ICA1L: variants seen among roughly 807,000 people sequenced by gnomAD.
ICA1L encodes islet cell autoantigen 1 like.
In ICA1L, 50 loss-of-function variants were observed where a neutral mutation model predicts 61.3. The observed-to-expected ratio is 0.82, with a 90% CI of 0.65 to 1.03. The LOEUF is 1.03. ICA1L is among the 50% of genes least tolerant of loss of function. ICA1L has a pLI of 0.00. For missense variants in ICA1L, 508 were observed against 556.7 expected (o/e 0.91, Z 0.88); for synonymous variants, 161 against 191.3 (o/e 0.84, Z 1.31).
chr2:202,846,781 T>C (rs1366845974), intron 1 of ICA1L, among the ~76,000 whole-genome samples: 1 of 152,260 alleles, frequency 6.6e-6, no homozygotes, highest in Non-Finnish European at 1.5e-5. Flanking sequence ...TAAGTGCTTA[T>C]AGTTTTATGT....
chr2:202,794,571 T>C (rs563788566), intron 10 of ICA1L, among the ~76,000 whole-genome samples: 1 of 152,110 alleles, frequency 6.6e-6, no homozygotes, highest in East Asian at 1.9e-4. Flanking sequence ...AATCTATGAG[T>C]TGGTAAGAAG....
chr2:202,859,267 T>G (rs1158714695), intron 1 of ICA1L, among the ~76,000 whole-genome samples: 11 of 152,210 alleles, frequency 7.2e-5, no homozygotes, highest in Admixed American at 7.2e-4. Context: ...ATTCAGATTA[T>G]AAATATAAAT....
In ICA1L at chr2:202,819,908, A is replaced by C; in HGVS notation, c.360-9T>G. ...GAGTACACAGGGCCAATCTAATGGC[A>C]GAGAGGTAAAAATCAGAGGGTTGAA... On this transcript the variant is annotated splice_polypyrimidine_tract_variant and intron_variant, in intron 4 of 12. Transcript: ENST00000358299. 6.2e-7 allele frequency: 1 copy of C among 1,609,594 alleles called. No individual in the cohort carries two copies. The highest frequency in any genetic ancestry group is 8.5e-7 in the Non-Finnish European group (1 of 1,176,366).
At chr2:202,793,494 TAAAAAAAAAAAAAAAA>T (rs755015399) in intron 10 of ICA1L, among the ~76,000 whole-genome samples, 8 of 31,332 alleles carry the variant, frequency 2.6e-4, no homozygotes, top group East Asian at 1.7e-3. Flanking sequence ...CCGTCTCTAC[TAAAAAAAAAAAAAAAA>T]AAAAAAAAAA....
intron 1 of ICA1L, among the ~76,000 whole-genome samples, chr2:202,864,184 G>A (rs1269393299): frequency 1.3e-5 from 2 of 152,068 alleles, no homozygotes; most frequent in African/African-American, 2.4e-5. Context: ...TTCATTTTAT[G>A]AGCCAGCATA....
intron 10 of ICA1L, among the ~76,000 whole-genome samples, chr2:202,796,289 T>A (rs1009357675): frequency 1.1e-4 from 16 of 152,136 alleles, no homozygotes; most frequent in African/African-American, 3.9e-4. Flanking sequence ...TTGGACTGTA[T>A]TTAAAAGCTT....
chr2:202,841,318 C>G, intron 1 of ICA1L: 1 of 766,526 alleles, frequency 1.3e-6, no homozygotes, highest in Non-Finnish European at 2.4e-6. Context: ...CTTTCCAAGC[C>G]CAGAGTCTCC....
At chr2:202,836,321 A>G (rs1694147801) in intron 1 of ICA1L, among the ~76,000 whole-genome samples, 1 of 152,180 alleles carries the variant, frequency 6.6e-6, no homozygotes, top group South Asian at 2.1e-4. Context: ...ATCACTATTG[A>G]TTCGCATATG....
Position 202,774,266 on chromosome 2 carries a change from G to A in ICA1L, c.*5267C>T. 6.5e-7 allele frequency: 1 copy of A among 1,544,680 alleles called. No homozygotes were observed. The highest frequency in any genetic ancestry group is 2.4e-5 in the East Asian group (1 of 40,858). On this transcript the variant is annotated 3_prime_UTR_variant, in exon 13 of 13. Coordinates refer to ENST00000358299, the MANE Select transcript of ICA1L (RefSeq NM_001288622.3). ...CTCGCTCCTGTCGGCCAAAGGCCGT[G>A]ACCCCGACGCGTGCAGGCACCTACG...
At chr2:202,813,151 T>G (rs1358397565) in intron 8 of ICA1L, among the ~76,000 whole-genome samples, 1 of 150,660 alleles carries the variant, frequency 6.6e-6, no homozygotes, top group Non-Finnish European at 1.5e-5. Context: ...TCCCAGCTAC[T>G]CAGGAGGCTG....
chr2:202,809,916 A>G (rs1468492991), intron 9 of ICA1L, among the ~76,000 whole-genome samples: 1 of 152,234 alleles, frequency 6.6e-6, no homozygotes, highest in Non-Finnish European at 1.5e-5. Flanking sequence ...GATGGGGTAG[A>G]AAGTTTATTC....
chr2:202,781,730 G>C (rs1006347934), intron 12 of ICA1L, among the ~76,000 whole-genome samples: 1 of 152,068 alleles, frequency 6.6e-6, no homozygotes, highest in Non-Finnish European at 1.5e-5. Context: ...ACGCTCATTA[G>C]CATATATTTT....
At chr2:202,870,903 C>T (rs911746731) in intron 1 of ICA1L, 1 of 152,190 alleles carries the variant, frequency 6.6e-6, no homozygotes, top group Non-Finnish European at 1.5e-5. Context: ...TTCCTTAGAG[C>T]ATCAGGTATC....
chr2:202,775,242 T>A lies in ICA1L; in HGVS notation c.*4291A>T, dbSNP rs1247308433. ...TCCTAATTTCTATATTCCAAAATTCTGGGACTGCTTCATTGCTCAAGGTAG... is the reference window on the plus strand; with the variant it reads ...TCCTAATTTCTATATTCCAAAATTCAGGGACTGCTTCATTGCTCAAGGTAG... On this transcript the variant is annotated 3_prime_UTR_variant, in exon 13 of 13. Coordinates refer to ENST00000358299, the MANE Select transcript of ICA1L (RefSeq NM_001288622.3). The A allele has an allele frequency of 6.6e-6, 1 of 152,344 alleles. No homozygotes were observed. Among genetic ancestry groups the A allele is most frequent in the East Asian group, 1.9e-4 (1 of 5,184 alleles). The allele number at this position is 152,344 out of a possible 1,614,324, so 9.4% of individuals were successfully genotyped here. A position where few individuals can be genotyped will look rare whatever the true frequency, so the allele number is the denominator to read the frequency against.
chr2:202,836,771 T>C lies in ICA1L; in HGVS notation c.-7-7755A>G, dbSNP rs1258873157. On this transcript the variant is annotated intron_variant, in intron 1 of 12. Coordinates refer to ENST00000358299, the MANE Select transcript of ICA1L (RefSeq NM_001288622.3). ...GAATTTACCCATTTCTTTTAGGTTA[T>C]ACAATTTGTTAGTGTGTGTATATCT... Among the ~76,000 whole-genome samples, 9 of 83,494 alleles carry C rather than the reference T, an allele frequency of 1.1e-4. No homozygotes were observed. In the East Asian group the frequency reaches 2.4e-3, roughly 22 times the overall value. The allele number at this position is 83,494 out of a possible 152,430, so 54.8% of individuals were successfully genotyped here.
chr2:202,843,925 G>T (rs922686687), intron 1 of ICA1L, among the ~76,000 whole-genome samples: 2 of 152,108 alleles, frequency 1.3e-5, no homozygotes, highest in Non-Finnish European at 2.9e-5. Flanking sequence ...AAGTTTCCTT[G>T]TATCACTTTC....
intron 9 of ICA1L, among the ~76,000 whole-genome samples, chr2:202,797,981 T>C (rs1692981664): frequency 6.6e-6 from 1 of 152,172 alleles, no homozygotes; most frequent in African/African-American, 2.4e-5. Context: ...TACTCTCTAC[T>C]TCTATGAGTT....
At position 202,776,394 on chromosome 2, in the gene ICA1L, T is replaced by C. The variant is rs186798464; in HGVS notation, c.*3139A>G. On this transcript the variant is annotated 3_prime_UTR_variant, in exon 13 of 13. Coordinates refer to ENST00000358299, the MANE Select transcript of ICA1L (RefSeq NM_001288622.3). Reference sequence around the variant, plus strand: ...TTCTCCCCATTTAACATAAAAAATATCTATTTTGAGGGTTGTTCTCAGCCT... The same window carrying C: ...TTCTCCCCATTTAACATAAAAAATACCTATTTTGAGGGTTGTTCTCAGCCT... The C allele has an allele frequency of 6.6e-6, 1 of 152,136 alleles. No homozygotes were observed. The highest frequency in any genetic ancestry group is 2.4e-5 in the African/African-American group (1 of 41,418). The allele number at this position is 152,136 out of a possible 1,614,324, so 9.4% of individuals were successfully genotyped here.
At chr2:202,832,624 T>G (rs1694044764) in intron 1 of ICA1L, among the ~76,000 whole-genome samples, 1 of 151,984 alleles carries the variant, frequency 6.6e-6, no homozygotes, top group African/African-American at 2.4e-5. Context: ...TAATTTAAAA[T>G]TCACTGCAGC....
Sources: allele counts gnomAD v4.1 joint callset (sites outside exome capture counted in the v4.1 genomes callset), GRCh38; gene constraint gnomAD v4.1.1; transcripts MANE v1.5; gene names NCBI Gene and HGNC (gene_info 2026-07-23, HGNC 2026-07-21).